Variants in RORA observed in about 807,000 individuals in gnomAD.
RORA encodes the protein nuclear receptor ROR-alpha.
Under a neutral mutation model 69.5 loss-of-function variants are expected in RORA, and 7 were observed. That is an observed-to-expected ratio of 0.10 (90% CI 0.06 to 0.19). The LOEUF is 0.19. Among genes scored for constraint, RORA ranks in the 10% least tolerant of loss-of-function variants. The pLI is 1.00. For missense variants in RORA, 457 were observed against 663.0 expected (o/e 0.69, Z 3.41); for synonymous variants, 261 against 240.8 (o/e 1.08, Z -0.78).
At chr15:61,069,719 GAA>G (rs5813066) in intron 1 of RORA, among the ~76,000 whole-genome samples, 2 of 147,078 alleles carry the variant, frequency 1.4e-5, no homozygotes, top group African/African-American at 2.5e-5. Flanking sequence ...ATTGCTTGAG[GAA>G]AAAAAAAAGG....
At chr15:60,554,662 C>G (rs970278892) in intron 2 of RORA, among the ~76,000 whole-genome samples, 3 of 152,204 alleles carry the variant, frequency 2.0e-5, no homozygotes, top group Admixed American at 2.0e-4. Flanking sequence ...ACTCTAGCTA[C>G]TTTGGTGAGA....
At chr15:60,799,668 C>T (rs565943348) in intron 1 of RORA, among the ~76,000 whole-genome samples, 184 of 152,236 alleles carry the variant, frequency 1.2e-3, no homozygotes, top group Non-Finnish European at 2.2e-3. Flanking sequence ...ATATCACATG[C>T]TACATGCCAA....
intron 1 of RORA, among the ~76,000 whole-genome samples, chr15:61,187,339 T>C (rs1285389261): frequency 6.6e-6 from 1 of 152,252 alleles, no homozygotes; most frequent in East Asian, 1.9e-4. Flanking sequence ...GGCAGCCAGA[T>C]GCCTTTCTGC....
At chr15:60,817,483 T>C (rs1277860514) in intron 1 of RORA, among the ~76,000 whole-genome samples, 2 of 152,238 alleles carry the variant, frequency 1.3e-5, no homozygotes, top group Admixed American at 1.3e-4. Flanking sequence ...AGATGATGTA[T>C]GTCTGTATAT....
At chr15:60,968,710 T>C (rs1451253279) in intron 1 of RORA, among the ~76,000 whole-genome samples, 1 of 152,198 alleles carries the variant, frequency 6.6e-6, no homozygotes, top group Non-Finnish European at 1.5e-5. Flanking sequence ...GAGTAATTTG[T>C]TGTCTTGATG....
At chr15:61,083,614 G>C (rs1403465094) in intron 1 of RORA, among the ~76,000 whole-genome samples, 1 of 151,796 alleles carries the variant, frequency 6.6e-6, no homozygotes, top group Admixed American at 6.6e-5. Context: ...TGCTGTGTTT[G>C]TTCATCTGGA....
intron 1 of RORA, among the ~76,000 whole-genome samples, chr15:60,862,111 C>T (rs1203434804): frequency 2.0e-5 from 3 of 152,218 alleles, no homozygotes; most frequent in African/African-American, 7.2e-5. Flanking sequence ...AGGAAATGGG[C>T]ACTTTATGAA....
At chr15:61,217,835 G>A (rs1211910634) in intron 1 of RORA, among the ~76,000 whole-genome samples, 1 of 152,172 alleles carries the variant, frequency 6.6e-6, no homozygotes, top group Non-Finnish European at 1.5e-5. Flanking sequence ...GCATATTAAT[G>A]AGCATGTGCT....
chr15:61,198,586 C>G (rs1550224), intron 1 of RORA, among the ~76,000 whole-genome samples: 1 of 151,922 alleles, frequency 6.6e-6, no homozygotes, highest in Admixed American at 6.6e-5. Flanking sequence ...AGAAGTATTA[C>G]CCAAAAATGT....
At chr15:60,605,753 T>C (rs187044283) in intron 2 of RORA, among the ~76,000 whole-genome samples, 84 of 152,336 alleles carry the variant, frequency 5.5e-4, no homozygotes, top group Middle Eastern at 3.4e-3. Flanking sequence ...ATAATGATTA[T>C]ATTATATGAA....
At chr15:60,504,585 AG>A (rs2065438686) in intron 6 of RORA, among the ~76,000 whole-genome samples, 1 of 152,292 alleles carries the variant, frequency 6.6e-6, no homozygotes, top group East Asian at 1.9e-4. Context: ...TATGGGAGCC[AG>A]GATTCAAATC....
intron 2 of RORA, among the ~76,000 whole-genome samples, chr15:60,644,608 ATC>A (rs1240567250): frequency 6.6e-6 from 1 of 152,238 alleles, no homozygotes; most frequent in East Asian, 1.9e-4. Context: ...AAATTTTCAC[ATC>A]TGTTTTACAT....
At chr15:60,701,883 T>C (rs1169826375) in intron 1 of RORA, among the ~76,000 whole-genome samples, 1 of 152,218 alleles carries the variant, frequency 6.6e-6, no homozygotes, top group Non-Finnish European at 1.5e-5. Context: ...TTCAAAGGCC[T>C]GGAATACTGT....
chr15:61,167,082 T>C (rs2079544841), intron 1 of RORA, among the ~76,000 whole-genome samples: 1 of 152,180 alleles, frequency 6.6e-6, no homozygotes, highest in Non-Finnish European at 1.5e-5. Context: ...GCACCCCTAA[T>C]GCTTCTCTGT....
chr15:60,648,429 C>G (rs941069191), intron 2 of RORA, among the ~76,000 whole-genome samples: 3 of 152,170 alleles, frequency 2.0e-5, no homozygotes, highest in Non-Finnish European at 4.4e-5. Flanking sequence ...GAAACTGCAG[C>G]TTTTAGAAAT....
intron 1 of RORA, among the ~76,000 whole-genome samples, chr15:60,944,744 C>T (rs915653352): frequency 2.0e-5 from 3 of 149,998 alleles, no homozygotes; most frequent in Admixed American, 6.6e-5. Flanking sequence ...CTGTCTGATG[C>T]TTCCCATATT....
chr15:61,012,262 T>G (rs1296731689), intron 1 of RORA, among the ~76,000 whole-genome samples: 2 of 152,240 alleles, frequency 1.3e-5, no homozygotes, highest in African/African-American at 4.8e-5. Flanking sequence ...ATATTAAGTA[T>G]GCAGTAAATT....
In RORA at chr15:60,701,681, G is replaced by A. The variant is rs2070983993; in HGVS notation, c.167-22995C>T. Among the ~76,000 whole-genome samples, 5 of 152,284 alleles carry A rather than the reference G, an allele frequency of 3.3e-5. No homozygotes were observed. The South Asian group carries it at 1.0e-3, about 32-fold the overall frequency. ...GAGTGCCCTGTCCCCGACTCGGTCT[G>A]CTGTGATTTTTCCTGCCCTTGTCCT... is the stretch of plus-strand genomic sequence containing the variant. On this transcript the variant is annotated intron_variant, in intron 1 of 10. Transcript: ENST00000335670.
intron 2 of RORA, among the ~76,000 whole-genome samples, chr15:60,674,686 C>T (rs567601805): frequency 6.6e-6 from 1 of 152,286 alleles, no homozygotes; most frequent in East Asian, 1.9e-4. Context: ...TACTAGATTA[C>T]CTTTTAATGG....
Sources: gnomAD v4.1 joint callset for allele counts (sites outside exome capture counted in the v4.1 genomes callset) on GRCh38, gnomAD v4.1.1 for gene constraint, MANE v1.5 for transcripts, NCBI Gene and HGNC (gene_info 2026-07-23, HGNC 2026-07-21) for gene names.